The following ARHGEF9 variants were observed in gnomAD, a reference collection of about 807,000 sequenced individuals.
The protein encoded by ARHGEF9 is rho guanine nucleotide exchange factor 9.
A neutral mutation model predicts 41.3 loss-of-function variants in ARHGEF9; 2 were observed. The observed-to-expected ratio is 0.05, with a 90% CI of 0.02 to 0.15. ARHGEF9 has a LOEUF of 0.15. ARHGEF9 is among the 10% of genes least tolerant of loss of function. The probability of loss-of-function intolerance (pLI) is 1.00; values close to 1 mark genes in which losing one functional copy is unlikely to be tolerated. For synonymous variants in ARHGEF9, 160 were observed against 154.4 expected (o/e 1.04, Z -0.27); for missense variants, 225 against 424.7 (o/e 0.53, Z 4.13).
chrX:63,714,992 C>T (rs1193463965), intron 2 of ARHGEF9, among the ~76,000 whole-genome samples: 1 of 111,704 alleles, frequency 9.0e-6, no homozygotes, highest in Non-Finnish European at 1.9e-5. Flanking sequence ...TGATTTCTGC[C>T]CATGACAAGG....
At chrX:63,698,928 C>T (rs1238575518) in intron 3 of ARHGEF9, among the ~76,000 whole-genome samples, 1 of 111,842 alleles carries the variant, frequency 8.9e-6, no homozygotes, top group African/African-American at 3.2e-5. Context: ...CTTTTGGCTC[C>T]ACTACCTTTA....
At chrX:63,695,363 C>T (rs2051667378) in intron 4 of ARHGEF9, among the ~76,000 whole-genome samples, 1 of 111,976 alleles carries the variant, frequency 8.9e-6, no homozygotes, top group Admixed American at 9.5e-5. Flanking sequence ...AAGCAAACCC[C>T]ATCCACTTAT....
chrX:63,647,134 A>G (rs1556316645), intron 8 of ARHGEF9, among the ~76,000 whole-genome samples: 1 of 111,764 alleles, frequency 8.9e-6, no homozygotes, highest in Non-Finnish European at 1.9e-5. Context: ...TTTTGGCCTG[A>G]GACGATGGGG....
At chrX:63,741,978 A>G (rs2054991638) in intron 1 of ARHGEF9, among the ~76,000 whole-genome samples, 1 of 112,454 alleles carries the variant, frequency 8.9e-6, no homozygotes, top group African/African-American at 3.2e-5. Flanking sequence ...TAGAGCATGG[A>G]TAGACAGCAA....
chrX:63,673,898 A>G, intron 6 of ARHGEF9, 140 bp downstream of exon 6: 1 of 826,631 alleles, frequency 1.2e-6, no homozygotes, highest in Non-Finnish European at 1.7e-6. Flanking sequence ...CTCATTAGCA[A>G]GAAATTTTAC....
chrX:63,705,998 G>C (rs2052519264), intron 3 of ARHGEF9, among the ~76,000 whole-genome samples: 1 of 111,564 alleles, frequency 9.0e-6, no homozygotes, highest in African/African-American at 3.3e-5. Flanking sequence ...GGAAGACTAA[G>C]AAAGGGTAAA....
chrX:63,775,616 T>A (rs2056280578), intron 1 of ARHGEF9, among the ~76,000 whole-genome samples: 1 of 111,841 alleles, frequency 8.9e-6, no homozygotes, highest in African/African-American at 3.3e-5. Flanking sequence ...AAGTGTGAGA[T>A]AAACATTGAG....
intron 8 of ARHGEF9, among the ~76,000 whole-genome samples, chrX:63,653,401 T>G (rs1288949676): frequency 9.0e-6 from 1 of 111,623 alleles, no homozygotes; most frequent in Non-Finnish European, 1.9e-5. Flanking sequence ...AGCCACTTAG[T>G]CAACATTCAC....
intron 1 of ARHGEF9, among the ~76,000 whole-genome samples, chrX:63,728,177 T>C (rs1342339806): frequency 8.9e-6 from 1 of 112,416 alleles, no homozygotes; most frequent in Non-Finnish European, 1.9e-5. Context: ...ATCTTCTGAG[T>C]TGTTTTGAAA....
chrX:63,748,325 C>A (rs2055397202), intron 1 of ARHGEF9, among the ~76,000 whole-genome samples: 1 of 112,036 alleles, frequency 8.9e-6, no homozygotes. Flanking sequence ...CTAGAAGAGG[C>A]TGCTAACCTG....
chrX:63,635,030 A>AT lies in ARHGEF9; in HGVS notation c.*2997dup, dbSNP rs1395540420. Reference sequence around the variant, plus strand: ...TCATAAGGCTTTGTGTCATTACAACATTTTTTTTGTTAAACATTTTTTAAC... The same window carrying AT: ...TCATAAGGCTTTGTGTCATTACAACATTTTTTTTTGTTAAACATTTTTTAAC... On this transcript the variant is annotated 3_prime_UTR_variant, in exon 10 of 10. Coordinates refer to ENST00000671741, the MANE Select transcript of ARHGEF9 (RefSeq NM_001353921.2). The AT allele has an allele frequency of 4.2e-5, 11 of 264,295 alleles. No homozygotes were observed. Among genetic ancestry groups the AT allele is most frequent in the Admixed American group, 6.8e-5 (1 of 14,810 alleles). The allele number at this position is 264,295 out of a possible 1,213,427, so 21.8% of individuals were successfully genotyped here.
intron 9 of ARHGEF9, among the ~76,000 whole-genome samples, chrX:63,643,757 T>C (rs1409344459): frequency 2.7e-5 from 3 of 111,178 alleles, no homozygotes; most frequent in Non-Finnish European, 3.8e-5. Context: ...TATTTTTTGC[T>C]ATACTCAATG....
chrX:63,704,372 G>A (rs1344091837), intron 3 of ARHGEF9, among the ~76,000 whole-genome samples: 1 of 112,100 alleles, frequency 8.9e-6, no homozygotes, highest in Non-Finnish European at 1.9e-5. Flanking sequence ...AAGTTTCCAG[G>A]TGATGCAGAT....
intron 9 of ARHGEF9, chrX:63,638,573 A>T (rs2047436483): frequency 8.8e-6 from 3 of 341,391 alleles, no homozygotes; most frequent in Non-Finnish European, 1.5e-5. Flanking sequence ...TACTCAGTTC[A>T]GAGCTCTTTC....
At chrX:63,709,296 G>A (rs1307742572) in intron 2 of ARHGEF9, 3 of 111,860 alleles carry the variant, frequency 2.7e-5, no homozygotes, top group African/African-American at 9.8e-5. Context: ...ACTGAACTCC[G>A]AAGCAAGGCT....
chrX:63,678,049 C>T (rs1208828589), intron 5 of ARHGEF9, among the ~76,000 whole-genome samples: 1 of 111,212 alleles, frequency 9.0e-6, no homozygotes, highest in Non-Finnish European at 1.9e-5. Flanking sequence ...ATTGATGCTG[C>T]TTCTCTAACA....
At chrX:63,691,256 C>T (rs1475406607) in intron 4 of ARHGEF9, among the ~76,000 whole-genome samples, 2 of 111,377 alleles carry the variant, frequency 1.8e-5, no homozygotes, top group Non-Finnish European at 3.8e-5. Context: ...CCTACACACA[C>T]GAAATGCTGG....
chrX:63,749,770 T>C (rs1188680127), intron 1 of ARHGEF9, among the ~76,000 whole-genome samples: 25 of 112,503 alleles, frequency 2.2e-4, no homozygotes, highest in African/African-American at 7.1e-4. Flanking sequence ...TAAGGAGTTA[T>C]TAGTATTGTC....
intron 9 of ARHGEF9, chrX:63,640,137 AT>A (rs1362836269): frequency 2.7e-5 from 3 of 112,564 alleles, no homozygotes; most frequent in African/African-American, 6.5e-5. Flanking sequence ...ACACAAAAAA[AT>A]GATACACGTT....
Sources: gnomAD v4.1 joint callset for allele counts (sites outside exome capture counted in the v4.1 genomes callset) on GRCh38, gnomAD v4.1.1 for gene constraint, MANE v1.5 for transcripts, NCBI Gene and HGNC (gene_info 2026-07-23, HGNC 2026-07-21) for gene names.